Variants in PTPRO observed in about 807,000 individuals in gnomAD.
PTPRO encodes the protein protein tyrosine phosphatase receptor type O, also known as receptor-type tyrosine-protein phosphatase O.
Under a neutral mutation model 145.2 loss-of-function variants are expected in PTPRO, and 62 were observed. That is an observed-to-expected ratio of 0.43 (90% confidence interval 0.35 to 0.53). PTPRO has a LOEUF of 0.53. PTPRO is among the 20% of genes least tolerant of loss of function. The probability of loss-of-function intolerance (pLI) is 0.01; values close to 1 mark genes in which losing one functional copy is unlikely to be tolerated. For missense variants in PTPRO, 1,345 were observed against 1,482.7 expected (o/e 0.91, Z 1.53); for synonymous variants, 565 against 514.7 (o/e 1.10, Z -1.32).
intron 15 of PTPRO, among the ~76,000 whole-genome samples, chr12:15,554,705 C>G (rs538555841): frequency 1.3e-4 from 20 of 152,086 alleles, no homozygotes; most frequent in Admixed American, 4.6e-4. Flanking sequence ...TTGTGCCCAC[C>G]CAATTAAGGG....
intron 24 of PTPRO, among the ~76,000 whole-genome samples, chr12:15,588,890 A>G (rs773635394): frequency 2.6e-5 from 4 of 152,216 alleles, no homozygotes; most frequent in Non-Finnish European, 4.4e-5. Flanking sequence ...GGTGTGGCCA[A>G]TGCAGTGCAA....
At chr12:15,388,115 G>A (rs1390735198) in intron 1 of PTPRO, among the ~76,000 whole-genome samples, 1 of 152,064 alleles carries the variant, frequency 6.6e-6, no homozygotes, top group Admixed American at 6.5e-5. Context: ...AAAGATAGTG[G>A]ATTTTTTTTC....
chr12:15,343,621 G>A (rs1229277276), intron 1 of PTPRO, among the ~76,000 whole-genome samples: 1 of 152,226 alleles, frequency 6.6e-6, no homozygotes, highest in African/African-American at 2.4e-5. Context: ...ACAGGAAGTC[G>A]GGGTTGCAGT....
chr12:15,453,250 C>G (rs1941092601), intron 1 of PTPRO, among the ~76,000 whole-genome samples: 1 of 151,882 alleles, frequency 6.6e-6, no homozygotes, highest in Admixed American at 6.6e-5. Flanking sequence ...CTCAGCCTTC[C>G]AAAATTCTGG....
At chr12:15,553,587 G>A (rs1241495674) in intron 15 of PTPRO, among the ~76,000 whole-genome samples, 1 of 152,220 alleles carries the variant, frequency 6.6e-6, no homozygotes, top group Admixed American at 6.5e-5. Flanking sequence ...AGAAGGAGAT[G>A]TCAAGTTATG....
At chr12:15,359,285 A>C (rs1485895286) in intron 1 of PTPRO, among the ~76,000 whole-genome samples, 1 of 152,114 alleles carries the variant, frequency 6.6e-6, no homozygotes, top group Non-Finnish European at 1.5e-5. Flanking sequence ...AGTACAGATG[A>C]TATCCCCATT....
chr12:15,564,627 T>C (rs1407478278), intron 17 of PTPRO, among the ~76,000 whole-genome samples: 2 of 152,228 alleles, frequency 1.3e-5, no homozygotes, highest in Non-Finnish European at 2.9e-5. Flanking sequence ...CAAACATTCA[T>C]AATTTTAAAT....
chr12:15,499,629 A>G, intron 4 of PTPRO, 35 bp downstream of exon 4: 1 of 1,593,508 alleles, frequency 6.3e-7, no homozygotes, highest in Non-Finnish European at 8.6e-7. Flanking sequence ...CAGTGAAAAA[A>G]TAATTCAGTT....
chr12:15,492,853 T>G (rs1942026864), intron 2 of PTPRO, among the ~76,000 whole-genome samples: 1 of 152,008 alleles, frequency 6.6e-6, no homozygotes, highest in African/African-American at 2.4e-5. Flanking sequence ...TAAGAAGGCT[T>G]AAGAATTCAT....
chr12:15,565,592 G>A lies in PTPRO; in HGVS notation c.2712-1G>A, dbSNP rs183455153. On this transcript the variant is annotated splice_acceptor_variant, in intron 17 of 26. Coordinates refer to ENST00000281171, the MANE Select transcript of PTPRO (RefSeq NM_030667.3). LOFTEE classifies it high-confidence loss of function. ...TTTGTCTTTTCTTTTTTAATTATCA[G>A]GAGTAAAAATGGTTTAAAGAAGAGG... The A allele has an allele frequency of 3.4e-6, 5 of 1,452,114 alleles. No individual in the cohort carries two copies. The highest frequency in any genetic ancestry group is 1.7e-5 in the Admixed American group (1 of 58,948). 90.0% of individuals were successfully genotyped at this position (1,452,114 alleles called of 1,614,324 possible). A position where few individuals can be genotyped will look rare whatever the true frequency, so the allele number is the denominator to read the frequency against.
chr12:15,436,722 G>A (rs1376284876), intron 1 of PTPRO, among the ~76,000 whole-genome samples: 1 of 152,216 alleles, frequency 6.6e-6, no homozygotes, highest in Non-Finnish European at 1.5e-5. Flanking sequence ...ATGCTTTGGT[G>A]CCCTAGCACC....
At chr12:15,343,679 C>T (rs953072262) in intron 1 of PTPRO, among the ~76,000 whole-genome samples, 105 of 152,218 alleles carry the variant, frequency 6.9e-4, no homozygotes, top group African/African-American at 2.5e-3. Context: ...ACAGCAAGAC[C>T]CTGTCTCAAA....
intron 8 of PTPRO, 148 bp from the exon 9 acceptor site, chr12:15,516,615 A>AACGG: frequency 1.8e-6 from 1 of 560,884 alleles, no homozygotes; most frequent in Non-Finnish European, 3.2e-6. Flanking sequence ...GAAAGGGAGG[A>AACGG]AGGAAGGAAG....
rs774001085 is a variant in PTPRO, at chr12:15,484,023, T to C, written c.125T>C (p.Val42Ala). The C allele has an allele frequency of 1.9e-6, 3 of 1,613,694 alleles. No individual in the cohort carries two copies. Among genetic ancestry groups the C allele is most frequent in the Non-Finnish European group, 2.5e-6 (3 of 1,179,626 alleles). The change falls in exon 2 of 27, where the codon GTC becomes GCC. Residue 42 changes from valine (V) to alanine (A), a missense_variant. Coordinates refer to ENST00000281171, the MANE Select transcript of PTPRO (RefSeq NM_030667.3). ...VTVQDDNNIV[V>A]SLEASDVISP... is the part of the protein sequence containing the mutation. ...GTCCAAGATGATAATAACATCGTTG[T>C]CTCATTAGAAGCTTCAGACGTCATC...
At chr12:15,439,939 G>T (rs990639287) in intron 1 of PTPRO, 13 of 680,014 alleles carry the variant, frequency 1.9e-5, no homozygotes, top group Non-Finnish European at 3.2e-5. Flanking sequence ...ACATCGGTCT[G>T]GGTGTTAAGT....
intron 1 of PTPRO, among the ~76,000 whole-genome samples, chr12:15,361,282 A>C (rs552685885): frequency 1.7e-4 from 26 of 151,424 alleles, no homozygotes; most frequent in Non-Finnish European, 3.7e-4. Flanking sequence ...CTAAAAATAC[A>C]ACAAAAATTA....
intron 19 of PTPRO, among the ~76,000 whole-genome samples, chr12:15,571,870 C>T (rs1944059417): frequency 6.6e-6 from 1 of 152,074 alleles, no homozygotes; most frequent in South Asian, 2.1e-4. Context: ...TTGGGAGAAC[C>T]AAACCATAAG....
intron 1 of PTPRO, among the ~76,000 whole-genome samples, chr12:15,483,228 G>A (rs1397496098): frequency 1.3e-5 from 2 of 152,110 alleles, no homozygotes; most frequent in Admixed American, 1.3e-4. Flanking sequence ...TTCTGCCTAT[G>A]GAGTCTGAGA....
chr12:15,413,493 T>C (rs1939859616), intron 1 of PTPRO, among the ~76,000 whole-genome samples: 1 of 152,194 alleles, frequency 6.6e-6, no homozygotes, highest in Non-Finnish European at 1.5e-5. Flanking sequence ...AATCACACTT[T>C]AAGATCAAAA....
Sources: allele counts gnomAD v4.1 joint callset (sites outside exome capture counted in the v4.1 genomes callset), GRCh38; gene constraint gnomAD v4.1.1; transcripts MANE v1.5; gene names NCBI Gene and HGNC (gene_info 2026-07-23, HGNC 2026-07-21).